The following TRPM3 variants were observed in gnomAD, a reference collection of about 807,000 sequenced individuals.
The protein encoded by TRPM3 is long transient receptor potential channel 3.
TRPM3 carries 77 observed loss-of-function variants against 181.2 expected under a neutral mutation model. That is an observed-to-expected ratio of 0.42 (90% CI 0.35 to 0.51). The LOEUF (loss-of-function observed/expected upper bound fraction) is 0.51. Among genes scored for constraint, TRPM3 ranks in the 20% least tolerant of loss-of-function variants. The pLI is 0.01. For missense variants in TRPM3, 1,759 were observed against 2,196.7 expected, an observed-to-expected ratio of 0.80 and a Z score of 3.98; for synonymous variants, 745 against 796.4, an observed-to-expected ratio of 0.94 and a Z score of 1.09.
chr9:71,312,391 A>G (rs751916561), intron 1 of TRPM3, among the ~76,000 whole-genome samples: 23 of 152,246 alleles, frequency 1.5e-4, no homozygotes, highest in African/African-American at 5.5e-4. Context: ...AATCCAGAAG[A>G]ACACCACCAA....
At chr9:71,291,950 A>C (rs895910630) in intron 1 of TRPM3, among the ~76,000 whole-genome samples, 1 of 152,122 alleles carries the variant, frequency 6.6e-6, no homozygotes, top group African/African-American at 2.4e-5. Context: ...TGTTTTAGAT[A>C]ATCAATGTCA....
At chr9:71,417,289 T>A (rs537091250) in intron 1 of TRPM3, among the ~76,000 whole-genome samples, 1 of 152,142 alleles carries the variant, frequency 6.6e-6, no homozygotes, top group East Asian at 1.9e-4. Flanking sequence ...TTGTTCCACA[T>A]CCTTGCCAAC....
chr9:71,137,279 C>A (rs954765338), intron 1 of TRPM3, among the ~76,000 whole-genome samples: 1 of 152,154 alleles, frequency 6.6e-6, no homozygotes, highest in Non-Finnish European at 1.5e-5. Context: ...ATTTTCATGA[C>A]CTCAACCTAA....
chr9:70,960,236 T>C (rs2097123943), intron 1 of TRPM3, among the ~76,000 whole-genome samples: 1 of 152,108 alleles, frequency 6.6e-6, no homozygotes, highest in Non-Finnish European at 1.5e-5. Context: ...ACTGTGGACA[T>C]TATGATGGGA....
At chr9:71,075,755 T>A (rs567727453) in intron 1 of TRPM3, among the ~76,000 whole-genome samples, 56 of 152,278 alleles carry the variant, frequency 3.7e-4, no homozygotes, top group African/African-American at 1.3e-3. Flanking sequence ...TTATTCCAAT[T>A]TAGGGAAAAC....
intron 1 of TRPM3, among the ~76,000 whole-genome samples, chr9:71,132,829 T>C (rs1004891240): frequency 1.3e-5 from 2 of 152,184 alleles, no homozygotes; most frequent in Admixed American, 1.3e-4. Context: ...GTCCATATTA[T>C]CAAATATTCT....
intron 1 of TRPM3, among the ~76,000 whole-genome samples, chr9:71,069,759 C>A (rs1464645519): frequency 6.6e-6 from 1 of 152,066 alleles, no homozygotes; most frequent in African/African-American, 2.4e-5. Flanking sequence ...CAGGTACACA[C>A]CACCACACCT....
chr9:71,275,096 A>G (rs1191682264), intron 1 of TRPM3, among the ~76,000 whole-genome samples: 2 of 152,230 alleles, frequency 1.3e-5, no homozygotes, highest in Non-Finnish European at 2.9e-5. Flanking sequence ...AGAATTACAA[A>G]AGAAGCAGCA....
intron 1 of TRPM3, among the ~76,000 whole-genome samples, chr9:71,073,448 T>C (rs1476864155): frequency 6.6e-6 from 1 of 152,214 alleles, no homozygotes; most frequent in Non-Finnish European, 1.5e-5. Flanking sequence ...TATTTAATTT[T>C]CCAGTTCTGA....
intron 1 of TRPM3, among the ~76,000 whole-genome samples, chr9:71,441,804 T>C (rs983135732): frequency 2.0e-5 from 3 of 152,060 alleles, no homozygotes; most frequent in Non-Finnish European, 4.4e-5. Context: ...AGCCAATTTT[T>C]GTATTTTTAG....
chr9:70,905,253 A>G (rs1227147816), intron 1 of TRPM3, among the ~76,000 whole-genome samples: 1 of 152,250 alleles, frequency 6.6e-6, no homozygotes, highest in Non-Finnish European at 1.5e-5. Flanking sequence ...ATTGCGGTAC[A>G]TTGTAATGTT....
intron 1 of TRPM3, among the ~76,000 whole-genome samples, chr9:71,029,224 C>G (rs1265206619): frequency 6.6e-6 from 1 of 152,178 alleles, no homozygotes; most frequent in African/African-American, 2.4e-5. Context: ...ATTTTTATCA[C>G]TATCCAAATT....
chr9:71,397,015 C>G (rs1168305578), intron 1 of TRPM3, among the ~76,000 whole-genome samples: 1 of 151,540 alleles, frequency 6.6e-6, no homozygotes, highest in Non-Finnish European at 1.5e-5. Flanking sequence ...GGAAAACATG[C>G]ACCAGCTTTT....
intron 3 of TRPM3, among the ~76,000 whole-genome samples, chr9:70,850,209 A>T (rs1167097010): frequency 2.0e-5 from 3 of 152,162 alleles, no homozygotes; most frequent in Non-Finnish European, 4.4e-5. Flanking sequence ...TTTGTGCACC[A>T]ACTCTCATGC....
In TRPM3 at chr9:70,625,124, G is replaced by A. The variant is rs187103100; in HGVS notation, c.1809+67C>T. 17 of 1,555,930 alleles carry A rather than the reference G, an allele frequency of 1.1e-5. No homozygotes were observed. The Admixed American group carries it at 3.0e-4, about 27-fold the overall frequency. On this transcript the variant is annotated intron_variant, in intron 14 of 25. Transcript: ENST00000677713. This position sits in a 1 kb window ranked among gnomAD's most constrained non-coding sequence, Gnocchi z 4.8. Reference sequence around the variant, plus strand: ...TTTAATTCCCCTTGGAGACAAAGAAGCCACAACCCAAATCCCATACACCCT... The same window carrying A: ...TTTAATTCCCCTTGGAGACAAAGAAACCACAACCCAAATCCCATACACCCT...
chr9:71,391,593 T>C (rs1588812369), intron 1 of TRPM3, among the ~76,000 whole-genome samples: 1 of 152,078 alleles, frequency 6.6e-6, no homozygotes, highest in South Asian at 2.1e-4. Context: ...ATATGAAAGA[T>C]GCTAAATAAA....
intron 9 of TRPM3, among the ~76,000 whole-genome samples, chr9:70,666,833 C>G (rs964438790): frequency 2.0e-5 from 3 of 151,982 alleles, no homozygotes; most frequent in African/African-American, 4.8e-5. Flanking sequence ...TTTTATCCAC[C>G]ATTCTCTCTT....
At chr9:70,840,269 G>A (rs1233135553) in intron 5 of TRPM3, among the ~76,000 whole-genome samples, 2 of 152,126 alleles carry the variant, frequency 1.3e-5, no homozygotes, top group Non-Finnish European at 2.9e-5. Context: ...CTAGTTTTAA[G>A]GGAAGAAGGT....
At chr9:70,842,111 T>G (rs1407670603) in intron 5 of TRPM3, among the ~76,000 whole-genome samples, 9 of 152,152 alleles carry the variant, frequency 5.9e-5, no homozygotes, top group African/African-American at 2.2e-4. Flanking sequence ...TTGTGTTTCA[T>G]GACATTTAGT....
Sources: allele counts gnomAD v4.1 joint callset (sites outside exome capture counted in the v4.1 genomes callset), GRCh38; gene constraint gnomAD v4.1.1; non-coding constraint Gnocchi (gnomAD v3.1); transcripts MANE v1.5; gene names NCBI Gene and HGNC (gene_info 2026-07-23, HGNC 2026-07-21).